PARK7: variants seen among roughly 807,000 people sequenced by gnomAD.
PARK7 encodes the protein Parkinson disease protein 7.
In PARK7, 14 loss-of-function variants were observed where a neutral mutation model predicts 20.5. That is an observed-to-expected ratio of 0.68 (90% CI 0.45 to 1.07). The LOEUF (loss-of-function observed/expected upper bound fraction) is 1.07. Ranked by LOEUF, PARK7 falls within the 50% of genes least tolerant of loss-of-function variation. The pLI, the probability that PARK7 is intolerant of heterozygous loss-of-function variation, is 0.00. For missense variants in PARK7, 234 were observed against 238.1 expected, an observed-to-expected ratio of 0.98 and a Z score of 0.11; for synonymous variants, 98 against 84.3, an observed-to-expected ratio of 1.16 and a Z score of -0.89.
intron 3 of PARK7, 145 bp from the exon 4 acceptor site, chr1:7,969,200 C>T (rs1640397546): frequency 1.5e-6 from 1 of 663,132 alleles, no homozygotes; most frequent in Admixed American, 2.9e-5. Context: ...GTGGATACAC[C>T]TTAATTTATT....
chr1:7,984,302 A>G lies in PARK7; in HGVS notation c.410-592A>G, dbSNP rs540943590. Among the ~76,000 whole-genome samples the G allele has an allele frequency of 1.3e-5, 2 of 152,188 alleles. No homozygotes were observed. Among genetic ancestry groups the G allele is most frequent in the Non-Finnish European group, 2.9e-5 (2 of 68,028 alleles). ...GGCAGAGCTCAGGGCATCCATGCTT[A>G]AGAGTCCCAGTTTTGGTATTATATT... On this transcript the variant is annotated intron_variant, in intron 6 of 6. Coordinates refer to ENST00000338639, the MANE Select transcript of PARK7 (RefSeq NM_007262.5). This position sits in a 1 kb window ranked among gnomAD's most constrained non-coding sequence, Gnocchi z 4.3.
chr1:7,983,612 G>C (rs1410168022), intron 6 of PARK7, among the ~76,000 whole-genome samples: 1 of 152,268 alleles, frequency 6.6e-6, no homozygotes, highest in Admixed American at 6.5e-5. Flanking sequence ...ATGGAGTTCA[G>C]CGTGACCTTC....
intron 5 of PARK7, among the ~76,000 whole-genome samples, chr1:7,977,071 C>T (rs1640597523): frequency 6.6e-6 from 1 of 152,188 alleles, no homozygotes; most frequent in Admixed American, 6.5e-5. Flanking sequence ...CAATAAAATC[C>T]AGAAGTTCAG....
At chr1:7,971,389 C>T (rs1184102861) in intron 5 of PARK7, 6 of 258,020 alleles carry the variant, frequency 2.3e-5, no homozygotes, top group Non-Finnish European at 4.6e-5. Flanking sequence ...GCTGGCTTCT[C>T]GGGCGTTTCT....
intron 3 of PARK7, among the ~76,000 whole-genome samples, 198 bp downstream of exon 3, chr1:7,965,623 C>T (rs1248617685): frequency 6.6e-6 from 1 of 152,112 alleles, no homozygotes; most frequent in Non-Finnish European, 1.5e-5. Flanking sequence ...ACAGAATGTG[C>T]TTAGTAAGTG....
chr1:7,968,220 A>G (rs1640368992), intron 3 of PARK7, among the ~76,000 whole-genome samples: 1 of 150,542 alleles, frequency 6.6e-6, no homozygotes, highest in African/African-American at 2.4e-5. Context: ...AGGCAGGAGA[A>G]TCGCTTGAAT....
At chr1:7,971,202 G>C in intron 5 of PARK7, 1 of 557,230 alleles carries the variant, frequency 1.8e-6, no homozygotes, top group Non-Finnish European at 3.3e-6. Flanking sequence ...TTCCGTGTTT[G>C]GTTGACCTCG....
chr1:7,979,535 C>T (rs975108436), intron 6 of PARK7, among the ~76,000 whole-genome samples: 2 of 152,186 alleles, frequency 1.3e-5, no homozygotes, highest in Non-Finnish European at 2.9e-5. Context: ...GAGGCTTGCT[C>T]TGTCACCCAG....
In PARK7 at chr1:7,985,195, C is replaced by CAACT; in HGVS notation, c.*143_*146dup. 1 of 1,108,816 alleles carries CAACT rather than the reference C, an allele frequency of 9.0e-7. No homozygotes were observed. The allele number at this position is 1,108,816 out of a possible 1,614,324, so 68.7% of individuals were successfully genotyped here. ...TACTTTTGCGGAAGTATGGAAGTCA[C>CAACT]AACTACACAGAGATTTCTCAGCCTA... On this transcript the variant is annotated 3_prime_UTR_variant, in exon 7 of 7. Transcript: ENST00000338639.
intron 3 of PARK7, among the ~76,000 whole-genome samples, chr1:7,967,965 T>C (rs1315636748): frequency 6.6e-6 from 1 of 152,008 alleles, no homozygotes; most frequent in East Asian, 1.9e-4. Flanking sequence ...TACATTTTTA[T>C]TTTGTAATTT....
chr1:7,964,222 C>G (rs1395752210), intron 2 of PARK7, among the ~76,000 whole-genome samples: 7 of 152,196 alleles, frequency 4.6e-5, no homozygotes, highest in Admixed American at 4.6e-4. Flanking sequence ...AGAACTAACT[C>G]TGTGCCAGGC....
intron 5 of PARK7, among the ~76,000 whole-genome samples, chr1:7,976,917 C>T (rs1287889419): frequency 1.3e-5 from 2 of 152,006 alleles, no homozygotes; most frequent in Non-Finnish European, 2.9e-5. Context: ...AGACAGGGTT[C>T]CAGCGTGTTA....
chr1:7,961,924 C>G, intron 1 of PARK7, 131 bp downstream of exon 1: 1 of 152,480 alleles, frequency 6.6e-6, no homozygotes, highest in Non-Finnish European at 1.5e-5. Context: ...GTCGGGGCCG[C>G]CCTCGCTTCC....
At chr1:7,970,290 G>T (rs878995488) in intron 4 of PARK7, among the ~76,000 whole-genome samples, 3 of 152,150 alleles carry the variant, frequency 2.0e-5, no homozygotes, top group South Asian at 2.1e-4. Context: ...AGATGATTTG[G>T]TTTTTTTCCA....
At chr1:7,962,585 A>G (rs992570858) in intron 1 of PARK7, among the ~76,000 whole-genome samples, 178 bp from the exon 2 acceptor site, 7 of 152,186 alleles carry the variant, frequency 4.6e-5, no homozygotes, top group Admixed American at 2.6e-4. Flanking sequence ...TAAAACTGCT[A>G]TACAAATCAA....
chr1:7,976,104 A>G (rs72854877), intron 5 of PARK7, among the ~76,000 whole-genome samples: 7,873 of 152,228 alleles, frequency 0.052, 683 homozygotes, highest in African/African-American at 0.18. Flanking sequence ...GCTTGTGGGT[A>G]TATTATATAA....
chr1:7,980,160 CAAAA>C (rs34615529), intron 6 of PARK7, among the ~76,000 whole-genome samples: 1 of 125,146 alleles, frequency 8.0e-6, no homozygotes. Flanking sequence ...GACTCCATCT[CAAAA>C]AAAAAAAAAA....
At chr1:7,982,537 A>G (rs1223276150) in intron 6 of PARK7, among the ~76,000 whole-genome samples, 1 of 152,096 alleles carries the variant, frequency 6.6e-6, no homozygotes, top group Middle Eastern at 3.2e-3. Context: ...TAAAAGTCTG[A>G]CAAGAACCGT....
At chr1:7,981,695 G>C (rs1640713390) in intron 6 of PARK7, among the ~76,000 whole-genome samples, 1 of 141,254 alleles carries the variant, frequency 7.1e-6, no homozygotes, top group Admixed American at 7.6e-5. Flanking sequence ...GTCTCTCTCT[G>C]TCATCCAGGC....
Sources: allele counts gnomAD v4.1 joint callset (sites outside exome capture counted in the v4.1 genomes callset), GRCh38; gene constraint gnomAD v4.1.1; non-coding constraint Gnocchi (gnomAD v3.1); transcripts MANE v1.5; gene names NCBI Gene and HGNC (gene_info 2026-07-23, HGNC 2026-07-21).